The following CHIC2 variants were observed in gnomAD, a reference collection of about 807,000 sequenced individuals.
The protein encoded by CHIC2 is cysteine-rich hydrophobic domain-containing protein 2.
In CHIC2, 14 loss-of-function variants were observed where a neutral mutation model predicts 25.9. The observed-to-expected ratio is 0.54, with a 90% confidence interval of 0.36 to 0.85. CHIC2 has a LOEUF of 0.85. Ranked by LOEUF, CHIC2 falls within the 40% of genes least tolerant of loss-of-function variation. The probability of loss-of-function intolerance (pLI) is 0.01; values close to 1 mark genes in which losing one functional copy is unlikely to be tolerated. For missense variants in CHIC2, 146 were observed against 202.0 expected (o/e 0.72, Z 1.68); for synonymous variants, 70 against 72.0 (o/e 0.97, Z 0.14).
intron 4 of CHIC2, 43 bp downstream of exon 4, chr4:54,014,020 A>G (rs1715669079): frequency 6.2e-7 from 1 of 1,606,186 alleles, no homozygotes; most frequent in Non-Finnish European, 8.5e-7. Context: ...ATACTGTGCA[A>G]TTCAGACCCC....
At position 54,064,008 on chromosome 4, in the gene CHIC2, TC is replaced by T. The variant is rs147512072; in HGVS notation, c.119+173del. Among the ~76,000 whole-genome samples the T allele has an allele frequency of 6.1e-3, 925 of 152,294 alleles. 9 individuals are homozygous for T. The highest frequency in any genetic ancestry group is 0.021 in the African/African-American group (884 of 41,562). On this transcript the variant is annotated intron_variant, in intron 1 of 5. Transcript: ENST00000263921. The surrounding 1 kb of genome is among the most constrained non-coding windows in gnomAD (Gnocchi z 4.2). ...TGTGGAGGAGGAAGGACAGCGTCCG[TC>T]CCCACTTCGGAGACCCAAACAAATG...
chr4:54,034,933 TAATC>T (rs1716338434), intron 3 of CHIC2, among the ~76,000 whole-genome samples: 1 of 152,224 alleles, frequency 6.6e-6, no homozygotes, highest in African/African-American at 2.4e-5. Flanking sequence ...GTGAGAGTGT[TAATC>T]AAGTATACAT....
the CHIC2 span, among the ~76,000 whole-genome samples, chr4:54,076,293 A>T: frequency 1.3e-5 from 2 of 152,170 alleles, no homozygotes; most frequent in South Asian, 4.1e-4. Context: ...CTCAAAAAAA[A>T]AATTAATTAA....
At chr4:54,026,001 C>T (rs1461928457) in intron 3 of CHIC2, among the ~76,000 whole-genome samples, 2 of 152,070 alleles carry the variant, frequency 1.3e-5, no homozygotes, top group Admixed American at 6.5e-5. Flanking sequence ...GGTCTGATCC[C>T]ATGTTGTGTC....
At chr4:54,075,982 A>C in the CHIC2 span, among the ~76,000 whole-genome samples, 1 of 152,172 alleles carries the variant, frequency 6.6e-6, no homozygotes, top group South Asian at 2.1e-4. Flanking sequence ...TTCAGAGAAA[A>C]CTTAAGTTAA....
At chr4:54,065,939 C>T (rs1017092992), upstream of CHIC2, among the ~76,000 whole-genome samples, 1 of 152,176 alleles carries the variant, frequency 6.6e-6, no homozygotes, top group Admixed American at 6.5e-5. Flanking sequence ...TTGTATCCCT[C>T]CCTGGAGGGT....
At chr4:54,065,440 G>A, upstream of CHIC2, 1 of 355,522 alleles carries the variant, frequency 2.8e-6, no homozygotes, top group Non-Finnish European at 3.9e-6. Context: ...AAAAAGACCT[G>A]AAAGAAAGGG....
chr4:54,014,113 T>G lies in CHIC2; in HGVS notation c.337A>C (p.Arg113=). The change falls in exon 4 of 6, where the codon AGA becomes CGA. Residue 113 remains arginine (R), a synonymous_variant. Coordinates refer to ENST00000263921, the MANE Select transcript of CHIC2 (RefSeq NM_012110.4). Reference sequence around the variant, plus strand: ...CATTCTAATAACTTCTCAATCGATCTTCGTGTCTGGAAGACAAATGAGAAA... The same window carrying G: ...CATTCTAATAACTTCTCAATCGATCGTCGTGTCTGGAAGACAAATGAGAAA... ...PVICLSKRTR[R]SIEKLLEWEN... 1 of 1,613,262 alleles carries G rather than the reference T, an allele frequency of 6.2e-7. No individual in the cohort carries two copies. Among genetic ancestry groups the G allele is most frequent in the Non-Finnish European group, 8.5e-7 (1 of 1,179,474 alleles).
intron 3 of CHIC2, among the ~76,000 whole-genome samples, chr4:54,039,068 C>CA (rs934686106): frequency 3.6e-4 from 52 of 142,536 alleles, no homozygotes; most frequent in African/African-American, 5.1e-4. Context: ...AAGTGATATG[C>CA]AAAAAAAAAA....
chr4:54,023,904 T>C (rs1243165310), intron 3 of CHIC2, among the ~76,000 whole-genome samples: 1 of 152,238 alleles, frequency 6.6e-6, no homozygotes, highest in East Asian at 1.9e-4. Context: ...CATTAATTCC[T>C]CTTTAATAAA....
At position 54,052,980 on chromosome 4, in the gene CHIC2, T is replaced by C. The variant is rs186052396; in HGVS notation, c.120-3675A>G. On this transcript the variant is annotated intron_variant, in intron 1 of 5. Coordinates refer to ENST00000263921, the MANE Select transcript of CHIC2 (RefSeq NM_012110.4). ...ATTTTAGGAATGGTTAAGAAAATTA[T>C]CTTATCTCAATATAACAGAATATTA... Among the ~76,000 whole-genome samples, 815 of 136,110 alleles carry C rather than the reference T, an allele frequency of 6.0e-3. 5 individuals carry two copies. Among genetic ancestry groups the C allele is most frequent in the Admixed American group, 0.017 (249 of 14,566 alleles). 89.3% of individuals were successfully genotyped at this position (136,110 alleles called of 152,430 possible). A position where few individuals can be genotyped will look rare whatever the true frequency, so the allele number is the denominator to read the frequency against.
the CHIC2 span, among the ~76,000 whole-genome samples, chr4:54,088,385 G>A: frequency 1.3e-5 from 2 of 151,848 alleles, no homozygotes; most frequent in African/African-American, 4.8e-5. Flanking sequence ...TTCTGAAAAA[G>A]TTGATATTTT....
In CHIC2 at chr4:54,010,038, G is replaced by C. The variant is rs1715536761; in HGVS notation, c.*57C>G. On this transcript the variant is annotated 3_prime_UTR_variant, in exon 6 of 6. Transcript: ENST00000263921. ...TATGTCACCACCAGGAGAGCACCAA[G>C]CAAGGCACCATTGGAAAGACAACAT... The C allele has an allele frequency of 9.9e-6, 12 of 1,206,598 alleles. No individual in the cohort carries two copies. The highest frequency in any genetic ancestry group is 1.9e-4 in the Middle Eastern group (1 of 5,284). 74.7% of individuals were successfully genotyped at this position (1,206,598 alleles called of 1,614,324 possible).
chr4:54,058,641 G>C (rs1717247944), intron 1 of CHIC2, among the ~76,000 whole-genome samples: 1 of 150,664 alleles, frequency 6.6e-6, no homozygotes, highest in African/African-American at 2.4e-5. Context: ...AGCATCTGTT[G>C]CTACATGTTA....
At chr4:54,039,275 T>C (rs747216293) in intron 3 of CHIC2, among the ~76,000 whole-genome samples, 4 of 152,154 alleles carry the variant, frequency 2.6e-5, no homozygotes, top group Non-Finnish European at 4.4e-5. Context: ...GCCGAAGACA[T>C]TGTTGGAGAA....
chr4:54,024,304 C>T (rs1258898341), intron 3 of CHIC2, among the ~76,000 whole-genome samples: 1 of 152,154 alleles, frequency 6.6e-6, no homozygotes, highest in Non-Finnish European at 1.5e-5. Flanking sequence ...AAAATCTATC[C>T]CCAATCCACC....
the CHIC2 span, among the ~76,000 whole-genome samples, chr4:54,074,376 C>G: frequency 6.6e-6 from 1 of 152,132 alleles, no homozygotes; most frequent in South Asian, 2.1e-4. Flanking sequence ...TACTCTTTAT[C>G]CTTTGGAACT....
intron 1 of CHIC2, chr4:54,060,272 C>G (rs967566446): frequency 7.2e-5 from 11 of 152,110 alleles, no homozygotes; most frequent in Admixed American, 6.5e-4. Flanking sequence ...CATAACATAT[C>G]TGGAATGAAA....
At chr4:54,033,875 T>G (rs1023680343) in intron 3 of CHIC2, among the ~76,000 whole-genome samples, 3 of 152,328 alleles carry the variant, frequency 2.0e-5, no homozygotes. Flanking sequence ...TCTATCTTGA[T>G]GCGAGTACCA....
Sources: gnomAD v4.1 joint callset for allele counts (sites outside exome capture counted in the v4.1 genomes callset) on GRCh38, gnomAD v4.1.1 for gene constraint, Gnocchi (gnomAD v3.1) non-coding constraint, MANE v1.5 for transcripts, NCBI Gene and HGNC (gene_info 2026-07-23, HGNC 2026-07-21) for gene names.